The following EPB41L4A variants were observed in gnomAD, a reference collection of about 807,000 sequenced individuals.
EPB41L4A encodes erythrocyte membrane protein band 4.1 like 4A, also known as band 4.1-like protein 4A.
EPB41L4A carries 100 observed loss-of-function variants against 108.6 expected under a neutral mutation model. The ratio of observed to expected loss-of-function variants is 0.92; its 90% CI spans 0.78 to 1.09. The LOEUF (loss-of-function observed/expected upper bound fraction) is 1.09. Ranked by LOEUF, EPB41L4A falls within the 50% of genes least tolerant of loss-of-function variation. The pLI, the probability that EPB41L4A is intolerant of heterozygous loss-of-function variation, is 0.00. For synonymous variants in EPB41L4A, 319 were observed against 289.0 expected, an observed-to-expected ratio of 1.10 and a Z score of -1.05; for missense variants, 1,030 against 842.7, an observed-to-expected ratio of 1.22 and a Z score of -2.75.
chr5:112,360,376 T>C (rs980005296), intron 1 of EPB41L4A, among the ~76,000 whole-genome samples: 1 of 152,200 alleles, frequency 6.6e-6, no homozygotes, highest in Non-Finnish European at 1.5e-5. Flanking sequence ...CCTCCCTGCC[T>C]GATTCTCCTG....
intron 17 of EPB41L4A, chr5:112,192,083 C>T (rs991351608): frequency 3.9e-5 from 6 of 152,210 alleles, no homozygotes; most frequent in South Asian, 2.1e-4. Context: ...AAAGGAAGGA[C>T]GAATGAGGCT....
At chr5:112,377,700 C>T (rs78421454) in intron 1 of EPB41L4A, among the ~76,000 whole-genome samples, 1 of 152,258 alleles carries the variant, frequency 6.6e-6, no homozygotes, top group Non-Finnish European at 1.5e-5. Flanking sequence ...CTGGAGTGGA[C>T]CACTTTCTCT....
intron 4 of EPB41L4A, among the ~76,000 whole-genome samples, chr5:112,272,505 T>C (rs1003579862): frequency 2.0e-5 from 3 of 151,642 alleles, no homozygotes; most frequent in Non-Finnish European, 4.4e-5. Flanking sequence ...TGGAATACAA[T>C]GTAGGAGTAA....
chr5:112,343,726 A>G (rs1009701168), intron 1 of EPB41L4A, among the ~76,000 whole-genome samples: 1 of 152,222 alleles, frequency 6.6e-6, no homozygotes, highest in African/African-American at 2.4e-5. Flanking sequence ...ATCTAGCAAG[A>G]ATAAAAATCC....
At chr5:112,359,026 C>T (rs1041059280) in intron 1 of EPB41L4A, among the ~76,000 whole-genome samples, 1 of 152,110 alleles carries the variant, frequency 6.6e-6, no homozygotes, top group South Asian at 2.1e-4. Context: ...GAGTAATTTA[C>T]CTCTGGGTAG....
intron 15 of EPB41L4A, among the ~76,000 whole-genome samples, chr5:112,202,798 G>A (rs1206836891): frequency 6.6e-6 from 1 of 152,114 alleles, no homozygotes; most frequent in Non-Finnish European, 1.5e-5. Flanking sequence ...CAGCAAGTGT[G>A]TATTAACTAG....
At chr5:112,246,850 T>C (rs1254274385) in intron 9 of EPB41L4A, among the ~76,000 whole-genome samples, 4 of 152,172 alleles carry the variant, frequency 2.6e-5, no homozygotes, top group African/African-American at 9.7e-5. Flanking sequence ...ACCCCCCTCT[T>C]ACATGAAAAC....
intron 1 of EPB41L4A, among the ~76,000 whole-genome samples, chr5:112,343,573 ACT>A (rs1394253996): frequency 1.3e-5 from 2 of 152,074 alleles, no homozygotes; most frequent in Non-Finnish European, 2.9e-5. Context: ...GTTCACCACC[ACT>A]GTCTTCACCA....
At chr5:112,368,680 G>C (rs1476558541) in intron 1 of EPB41L4A, among the ~76,000 whole-genome samples, 1 of 152,038 alleles carries the variant, frequency 6.6e-6, no homozygotes, top group Non-Finnish European at 1.5e-5. Context: ...ATACATTTCA[G>C]CCTGTGTCTT....
At chr5:112,187,939 T>C (rs1486934734) in intron 17 of EPB41L4A, among the ~76,000 whole-genome samples, 1 of 152,228 alleles carries the variant, frequency 6.6e-6, no homozygotes, top group African/African-American at 2.4e-5. Context: ...AAACTGCTTA[T>C]CTTTTTTGGT....
chr5:112,252,890 T>C (rs1003600369), intron 9 of EPB41L4A, among the ~76,000 whole-genome samples: 3 of 151,800 alleles, frequency 2.0e-5, no homozygotes, highest in Non-Finnish European at 1.5e-5. Flanking sequence ...TTTTAAACCA[T>C]TGAAAAAATA....
chr5:112,227,905 C>G (rs1460368393), intron 12 of EPB41L4A, among the ~76,000 whole-genome samples: 5 of 152,220 alleles, frequency 3.3e-5, no homozygotes, highest in Admixed American at 3.3e-4. Context: ...TAGCTACCCT[C>G]AGGGGAATCA....
At chr5:112,156,511 T>G (rs1487371538) in intron 12 of EPB41L4A, among the ~76,000 whole-genome samples, 1 of 152,200 alleles carries the variant, frequency 6.6e-6, no homozygotes, top group African/African-American at 2.4e-5. Context: ...TTTTGTTCTA[T>G]TGAGGCCCTC....
intron 12 of EPB41L4A, among the ~76,000 whole-genome samples, chr5:112,212,013 C>T (rs932999839): frequency 1.1e-4 from 16 of 152,140 alleles, no homozygotes; most frequent in African/African-American, 3.9e-4. Flanking sequence ...GTAAATTCTG[C>T]CTGGTGTGAT....
intron 9 of EPB41L4A, among the ~76,000 whole-genome samples, chr5:112,243,291 A>ATGTGTGTGTATATATATATATTT (rs1749948265): frequency 6.7e-6 from 1 of 148,524 alleles, no homozygotes; most frequent in Non-Finnish European, 1.5e-5. Context: ...ATATATATAT[A>ATGTGTGTGTATATATATATATTT]TTTTGTTTGT....
intron 15 of EPB41L4A, among the ~76,000 whole-genome samples, chr5:112,198,765 A>G (rs751586526): frequency 2.0e-5 from 3 of 152,154 alleles, no homozygotes; most frequent in Non-Finnish European, 4.4e-5. Context: ...ATTCTGCCAC[A>G]CTAATTTTAA....
chr5:112,148,880 A>T (rs574728194), intron 12 of EPB41L4A, among the ~76,000 whole-genome samples: 1 of 152,314 alleles, frequency 6.6e-6, no homozygotes, highest in South Asian at 2.1e-4. Context: ...TTACTTTAAG[A>T]CTAAGGTCCA....
At chr5:112,395,927 T>G (rs1761305197) in intron 1 of EPB41L4A, among the ~76,000 whole-genome samples, 2 of 152,128 alleles carry the variant, frequency 1.3e-5, no homozygotes, top group Non-Finnish European at 2.9e-5. Context: ...TAAAAAAGGA[T>G]GATGAGTTCA....
At chr5:112,150,424 C>CA (rs1759423249) in intron 12 of EPB41L4A, among the ~76,000 whole-genome samples, 1 of 151,620 alleles carries the variant, frequency 6.6e-6, no homozygotes, top group Non-Finnish European at 1.5e-5. Flanking sequence ...AACAAAAAAG[C>CA]AAAAGATATC....
Sources: gnomAD v4.1 joint callset for allele counts (sites outside exome capture counted in the v4.1 genomes callset) on GRCh38, gnomAD v4.1.1 for gene constraint, MANE v1.5 for transcripts, NCBI Gene and HGNC (gene_info 2026-07-23, HGNC 2026-07-21) for gene names.